The following SNX13 variants were observed in gnomAD, a reference collection of about 807,000 sequenced individuals.
SNX13 encodes sorting nexin-13.
SNX13 carries 45 observed loss-of-function variants against 133.6 expected under a neutral mutation model. That is an observed-to-expected ratio of 0.34 (90% CI 0.27 to 0.43). The LOEUF is 0.43. SNX13 is among the 20% of genes least tolerant of loss of function. The pLI, the probability that SNX13 is intolerant of heterozygous loss-of-function variation, is 1.00. For synonymous variants in SNX13, 414 were observed against 373.9 expected (o/e 1.11, Z -1.24); for missense variants, 1,032 against 1,145.1 (o/e 0.90, Z 1.43).
chr7:17,933,696 C>T (rs1382209187), intron 1 of SNX13, among the ~76,000 whole-genome samples: 1 of 151,988 alleles, frequency 6.6e-6, no homozygotes, highest in Non-Finnish European at 1.5e-5. Context: ...AGACTCCCCT[C>T]CTAATTTCCC....
intron 8 of SNX13, among the ~76,000 whole-genome samples, chr7:17,871,069 G>C (rs1044696165): frequency 2.0e-5 from 3 of 151,306 alleles, no homozygotes; most frequent in Non-Finnish European, 2.9e-5. Flanking sequence ...GCAGTGGCGC[G>C]ATCTCAGCTC....
intron 20 of SNX13, among the ~76,000 whole-genome samples, chr7:17,805,257 G>GCGCGCGCGCGCGCGCA (rs1022329928): frequency 6.8e-6 from 1 of 146,906 alleles, no homozygotes; most frequent in Non-Finnish European, 1.5e-5. Flanking sequence ...GTGTGCGTGC[G>GCGCGCGCGCGCGCGCA]CGCGCGCGCA....
intron 22 of SNX13, among the ~76,000 whole-genome samples, chr7:17,801,337 T>C (rs1211934541): frequency 1.3e-5 from 2 of 151,628 alleles, no homozygotes; most frequent in Non-Finnish European, 3.0e-5. Context: ...GAAGTTAGGA[T>C]AGTGATGGTC....
intron 5 of SNX13, among the ~76,000 whole-genome samples, chr7:17,876,154 G>C (rs1430014792): frequency 6.6e-6 from 1 of 152,196 alleles, no homozygotes; most frequent in Non-Finnish European, 1.5e-5. Flanking sequence ...ATTCTGAATA[G>C]TTTTGTTTGC....
intron 17 of SNX13, among the ~76,000 whole-genome samples, chr7:17,822,154 T>C (rs998445403): frequency 3.3e-5 from 5 of 152,166 alleles, no homozygotes; most frequent in African/African-American, 1.2e-4. Context: ...CAATTTTCTT[T>C]TTCTTTGATA....
intron 21 of SNX13, 137 bp from the exon 22 acceptor site, chr7:17,801,796 A>T: frequency 1.8e-6 from 1 of 548,328 alleles, no homozygotes; most frequent in Non-Finnish European, 3.1e-6. Context: ...TTAACAATCT[A>T]AAATTTGGAA....
intron 1 of SNX13, among the ~76,000 whole-genome samples, chr7:17,939,537 T>C (rs1452879930): frequency 6.6e-6 from 1 of 152,226 alleles, no homozygotes; most frequent in East Asian, 1.9e-4. Flanking sequence ...AGTCGGCTTT[T>C]TGCAATGCCC....
chr7:17,895,904 A>G (rs1401002342), intron 2 of SNX13, among the ~76,000 whole-genome samples: 1 of 152,188 alleles, frequency 6.6e-6, no homozygotes, highest in African/African-American at 2.4e-5. Context: ...CTCCCTTGAC[A>G]AAGTATTGGG....
chr7:17,909,668 C>A (rs1583730941), intron 1 of SNX13, among the ~76,000 whole-genome samples: 1 of 58,602 alleles, frequency 1.7e-5, no homozygotes, highest in Non-Finnish European at 3.5e-5. Flanking sequence ...ATGATGAGAA[C>A]ATATGGACAC....
In SNX13 at chr7:17,831,278, T is replaced by C. The variant is rs143936841; in HGVS notation, c.1598-1231A>G. 1.1e-3 allele frequency: 1,052 copies of C among 972,450 alleles called. 10 individuals carry two copies. In the African/African-American group the frequency reaches 0.018, roughly 16 times the overall value. The allele number at this position is 972,450 out of a possible 1,614,324, so 60.2% of individuals were successfully genotyped here. On this transcript the variant is annotated intron_variant, in intron 15 of 25. Coordinates refer to ENST00000428135, the MANE Select transcript of SNX13 (RefSeq NM_015132.5). ...AATATTAGAAAACAAAAGAAAGCAC[T>C]GTTCAACATGGTGAGACAAATAATG...
chr7:17,794,332 G>C lies in SNX13; in HGVS notation c.2627-40C>G, dbSNP rs1427983764. 3 of 1,579,190 alleles carry C rather than the reference G, an allele frequency of 1.9e-6. No homozygotes were observed. In the African/African-American group the frequency reaches 4.1e-5, roughly 21 times the overall value. On this transcript the variant is annotated intron_variant, in intron 25 of 25. Coordinates refer to ENST00000428135, the MANE Select transcript of SNX13 (RefSeq NM_015132.5). ...GGAAAACACACATAATTATTCAAAG[G>C]AAACACAAGGCCTAAACTCTTAAAT...
chr7:17,831,410 T>C (rs1019262088), intron 15 of SNX13: 4 of 864,746 alleles, frequency 4.6e-6, no homozygotes, highest in Admixed American at 6.3e-5. Flanking sequence ...ATTTCATAAC[T>C]AAAGAAAGTA....
intron 1 of SNX13, among the ~76,000 whole-genome samples, chr7:17,929,914 C>A (rs11983260): frequency 0.56 from 84,732 of 152,000 alleles, 24,080 homozygotes; most frequent in Non-Finnish European, 0.6. Flanking sequence ...ACTGAGATAG[C>A]AAGTAAGGAA....
Position 17,801,609 on chromosome 7 carries a change from A to C in SNX13, c.2277T>G (p.Val759=). Residue 759 remains valine (V), a synonymous_variant, in exon 22 of 26, where the codon GTT becomes GTG. Coordinates refer to ENST00000428135, the MANE Select transcript of SNX13 (RefSeq NM_015132.5). ...TCACATTATCGTCAAGTTGAGCCGA[A>C]ACTCGGCGATGTTCAGGGTCTGAAT... ...KTDSDPEHRR[V]SAQLDDNVDD... 6.2e-7 allele frequency: 1 copy of C among 1,609,272 alleles called. No individual in the cohort carries two copies. Among genetic ancestry groups the C allele is most frequent in the South Asian group, 1.1e-5 (1 of 89,698 alleles).
At chr7:17,871,133 G>A (rs1445397318) in intron 8 of SNX13, among the ~76,000 whole-genome samples, 14 of 151,962 alleles carry the variant, frequency 9.2e-5, no homozygotes, top group Admixed American at 2.6e-4. Context: ...AGCCTCCCGA[G>A]TAGCTGGGAT....
At chr7:17,920,781 T>C (rs986521322) in intron 1 of SNX13, among the ~76,000 whole-genome samples, 7 of 152,204 alleles carry the variant, frequency 4.6e-5, no homozygotes, top group African/African-American at 1.4e-4. Flanking sequence ...CTAGATAATA[T>C]ATAAGGCCCT....
chr7:17,906,425 T>A (rs1289773394), intron 1 of SNX13, among the ~76,000 whole-genome samples: 1 of 152,002 alleles, frequency 6.6e-6, no homozygotes, highest in African/African-American at 2.4e-5. Flanking sequence ...TATAAATATA[T>A]ATAAAATATG....
intron 24 of SNX13, among the ~76,000 whole-genome samples, chr7:17,797,528 C>T (rs1042540897): frequency 6.6e-6 from 1 of 151,796 alleles, no homozygotes; most frequent in Non-Finnish European, 1.5e-5. Context: ...AAAAACTAAG[C>T]TTTCATCTGG....
At chr7:17,903,542 C>A (rs1290708551) in intron 1 of SNX13, among the ~76,000 whole-genome samples, 2 of 152,190 alleles carry the variant, frequency 1.3e-5, no homozygotes, top group African/African-American at 4.8e-5. Flanking sequence ...TTCATTTCCT[C>A]ACCTATGTCA....
Sources: gnomAD v4.1 joint callset for allele counts (sites outside exome capture counted in the v4.1 genomes callset) on GRCh38, gnomAD v4.1.1 for gene constraint, MANE v1.5 for transcripts, NCBI Gene and HGNC (gene_info 2026-07-23, HGNC 2026-07-21) for gene names.